The following FNIP1 variants were observed in gnomAD, a reference collection of about 807,000 sequenced individuals.
FNIP1 encodes folliculin-interacting protein 1.
FNIP1 carries 40 observed loss-of-function variants against 124.5 expected under a neutral mutation model. That is an observed-to-expected ratio of 0.32 (90% CI 0.25 to 0.42). FNIP1 has a LOEUF of 0.42. FNIP1 is among the 10% of genes least tolerant of loss of function. The pLI is 1.00. For missense variants in FNIP1, 1,176 were observed against 1,403.7 expected, an observed-to-expected ratio of 0.84 and a Z score of 2.59; for synonymous variants, 472 against 470.6, an observed-to-expected ratio of 1.00 and a Z score of -0.04.
chr5:131,705,416 G>C (rs1421221776), intron 9 of FNIP1, among the ~76,000 whole-genome samples: 1 of 152,124 alleles, frequency 6.6e-6, no homozygotes, highest in East Asian at 1.9e-4. Flanking sequence ...TGAGGCTGCA[G>C]TGAGCCGGGA....
intron 1 of FNIP1, among the ~76,000 whole-genome samples, chr5:131,769,671 G>A (rs950264065): frequency 1.3e-5 from 2 of 152,190 alleles, no homozygotes; most frequent in African/African-American, 4.8e-5. Flanking sequence ...ATGAGGGACC[G>A]GGAGCCTTTA....
intron 1 of FNIP1, chr5:131,796,461 G>A (rs929280846): frequency 8.3e-6 from 2 of 241,958 alleles, no homozygotes; most frequent in African/African-American, 2.3e-5. Flanking sequence ...CCCGGAGTAC[G>A]GCGGCTGAGG....
intron 15 of FNIP1, among the ~76,000 whole-genome samples, chr5:131,669,773 C>T (rs939041061): frequency 6.6e-6 from 1 of 151,980 alleles, no homozygotes; most frequent in Admixed American, 6.6e-5. Flanking sequence ...TAATAAAGGG[C>T]ATCACAAAAA....
chr5:131,723,595 A>T (rs1769747940), intron 3 of FNIP1, among the ~76,000 whole-genome samples: 2 of 152,176 alleles, frequency 1.3e-5, no homozygotes, highest in South Asian at 4.1e-4. Flanking sequence ...TGTCTATTTT[A>T]AAATGCCTTA....
At chr5:131,768,574 C>A (rs1771521203) in intron 1 of FNIP1, among the ~76,000 whole-genome samples, 2 of 151,966 alleles carry the variant, frequency 1.3e-5, no homozygotes, top group African/African-American at 4.8e-5. Context: ...CTTTGGGAGG[C>A]TGATGCGGTT....
rs750641671 is a variant in FNIP1, at chr5:131,677,831, A to G, written c.1391T>C (p.Leu464Pro). Residue 464 changes from leucine (L) to proline (P), a missense_variant, in exon 13 of 18, where the codon CTT (leucine) becomes CCT (proline). Around this residue, in one of 2 missense-constraint regions of FNIP1, gnomAD observed 1,109 missense variants for 1,288.5 expected, o/e 0.86. Transcript: ENST00000510461. ...ALITAVLTNH[L>P]AWVPTVMPNG... ...TGGCATGACTGTTGGAACCCAGGCA[A>G]GATGATTGGTCAGAACTGCAGTAAT... is the stretch of plus-strand genomic sequence containing the variant. The G allele has an allele frequency of 1.2e-6, 2 of 1,614,168 alleles. No individual in the cohort carries two copies. Among genetic ancestry groups the G allele is most frequent in the Non-Finnish European group, 1.7e-6 (2 of 1,180,008 alleles).
chr5:131,704,344 T>C (rs1769005694), intron 9 of FNIP1, 78 bp from the exon 10 acceptor site: 1 of 1,194,780 alleles, frequency 8.4e-7, no homozygotes, highest in Non-Finnish European at 1.2e-6. Flanking sequence ...TAATTAAATG[T>C]AGGTAAGCTA....
chr5:131,687,134 C>T (rs1768307484), intron 11 of FNIP1, among the ~76,000 whole-genome samples: 2 of 142,612 alleles, frequency 1.4e-5, no homozygotes, highest in Admixed American at 7.3e-5. Context: ...GAGACAGGGT[C>T]TTGCTCTGTC....
intron 1 of FNIP1, among the ~76,000 whole-genome samples, chr5:131,788,153 G>T (rs1259394917): frequency 6.6e-6 from 1 of 152,132 alleles, no homozygotes; most frequent in African/African-American, 2.4e-5. Flanking sequence ...CTTAACAAAT[G>T]AGCAAATATG....
intron 15 of FNIP1, among the ~76,000 whole-genome samples, chr5:131,667,796 C>T (rs1341951073): frequency 6.6e-6 from 1 of 152,180 alleles, no homozygotes; most frequent in Non-Finnish European, 1.5e-5. Flanking sequence ...CCATGTTGGC[C>T]AGGGTGGTCA....
At chr5:131,647,691 G>T (rs1766930996) in intron 16 of FNIP1, among the ~76,000 whole-genome samples, 1 of 151,886 alleles carries the variant, frequency 6.6e-6, no homozygotes, top group African/African-American at 2.4e-5. Context: ...GGCCAGGCTG[G>T]TCTCAAACTC....
chr5:131,657,736 C>T (rs1010584721), intron 15 of FNIP1, among the ~76,000 whole-genome samples: 1 of 65,046 alleles, frequency 1.5e-5, no homozygotes, highest in East Asian at 6.2e-4. Context: ...GAAAATAAGG[C>T]AAAAAAAAAA....
At chr5:131,712,705 C>T (rs1431658790) in intron 6 of FNIP1, among the ~76,000 whole-genome samples, 2 of 152,154 alleles carry the variant, frequency 1.3e-5, no homozygotes, top group African/African-American at 4.8e-5. Flanking sequence ...GTTGTAATTT[C>T]TAATAAAGTA....
rs766962307 is a variant in FNIP1, at chr5:131,672,247, G to T, written c.2197C>A (p.Pro733Thr). Reference sequence around the variant, plus strand: ...GAAGCAGGCACAATCTTATCTGGAGGTTTTTTTTCCACAACCATTCCTGTG... The same window carrying T: ...GAAGCAGGCACAATCTTATCTGGAGTTTTTTTTTCCACAACCATTCCTGTG... ...RSTGMVVEKK[P>T]PDKIVPASFS... is the part of the protein sequence containing the mutation. Residue 733 changes from proline (P) to threonine (T), a missense_variant, in exon 14 of 18, where the codon CCT becomes ACT. Transcript: ENST00000510461. The T allele has an allele frequency of 3.7e-6, 6 of 1,613,976 alleles. No individual in the cohort carries two copies. The highest frequency in any genetic ancestry group is 5.1e-6 in the Non-Finnish European group (6 of 1,179,978).
intron 1 of FNIP1, among the ~76,000 whole-genome samples, chr5:131,765,610 C>T (rs540445374): frequency 2.0e-5 from 3 of 152,302 alleles, no homozygotes; most frequent in African/African-American, 2.4e-5. Flanking sequence ...TTTTAATCTG[C>T]GTGTAAATAT....
Position 131,731,031 on chromosome 5 carries a change from CCG to C in FNIP1, c.225_226del (p.Gly76GlnfsTer2). ...AAAGACTTTAACTTGAGCATCACTG[CCG>C]AGTTTCTGAAATAACAGATATTTCC... On this transcript the variant is annotated frameshift_variant, in exon 3 of 18. Coordinates refer to ENST00000510461, the MANE Select transcript of FNIP1 (RefSeq NM_133372.3). LOFTEE classifies it high-confidence loss of function. 6.2e-7 allele frequency: 1 copy of C among 1,606,948 alleles called. No individual in the cohort carries two copies. Among genetic ancestry groups the C allele is most frequent in the Non-Finnish European group, 8.5e-7 (1 of 1,178,106 alleles).
chr5:131,745,321 C>A (rs1770640698), intron 1 of FNIP1, among the ~76,000 whole-genome samples: 1 of 152,060 alleles, frequency 6.6e-6, no homozygotes, highest in African/African-American at 2.4e-5. Flanking sequence ...GAGTTCAAGA[C>A]CAGCCTGGAC....
chr5:131,790,295 G>A (rs6861579), intron 1 of FNIP1, among the ~76,000 whole-genome samples: 20,141 of 151,860 alleles, frequency 0.13, 3,388 homozygotes, highest in African/African-American at 0.4. Flanking sequence ...CCTGGGCAAC[G>A]TGGCGAAACC....
chr5:131,777,779 C>G (rs1771861001), intron 1 of FNIP1, among the ~76,000 whole-genome samples: 1 of 152,128 alleles, frequency 6.6e-6, no homozygotes. Flanking sequence ...AAAGTGTGGT[C>G]CCTACACTAA....
Sources: gnomAD v4.1 joint callset for allele counts (sites outside exome capture counted in the v4.1 genomes callset) on GRCh38, gnomAD v4.1.1 for gene constraint, gnomAD v4.1.1 regional missense constraint, MANE v1.5 for transcripts, NCBI Gene and HGNC (gene_info 2026-07-23, HGNC 2026-07-21) for gene names.